Variants in MSANTD2 observed in about 807,000 individuals in gnomAD.
The protein encoded by MSANTD2 is Myb/SANT DNA binding domain containing 2.
In MSANTD2, 19 loss-of-function variants were observed where a neutral mutation model predicts 52.6. The ratio of observed to expected loss-of-function variants is 0.36; its 90% CI spans 0.25 to 0.53. MSANTD2 has a LOEUF of 0.53. Ranked by LOEUF, MSANTD2 falls within the 20% of genes least tolerant of loss-of-function variation. The probability of loss-of-function intolerance (pLI) is 0.91; values close to 1 mark genes in which losing one functional copy is unlikely to be tolerated. For synonymous variants in MSANTD2, 291 were observed against 289.7 expected, an observed-to-expected ratio of 1.00 and a Z score of -0.04; for missense variants, 558 against 716.3, an observed-to-expected ratio of 0.78 and a Z score of 2.52.
At chr11:124,768,762 A>G (rs1944396041) in intron 3 of MSANTD2, among the ~76,000 whole-genome samples, 1 of 152,202 alleles carries the variant, frequency 6.6e-6, no homozygotes, top group South Asian at 2.1e-4. Context: ...TAATAAATTG[A>G]GACTGTTCTA....
At chr11:124,768,316 A>T (rs760397989) in intron 3 of MSANTD2, among the ~76,000 whole-genome samples, 1 of 152,228 alleles carries the variant, frequency 6.6e-6, no homozygotes, top group Non-Finnish European at 1.5e-5. Flanking sequence ...TTAATGATAA[A>T]CTGCTTTCCA....
intron 1 of MSANTD2, among the ~76,000 whole-genome samples, chr11:124,793,515 G>A (rs1021604549): frequency 2.0e-5 from 3 of 152,110 alleles, no homozygotes; most frequent in Non-Finnish European, 4.4e-5. Flanking sequence ...AGCTGTTCTG[G>A]CCAACAAAAC....
chr11:124,787,705 T>C (rs1269579829), intron 1 of MSANTD2, among the ~76,000 whole-genome samples: 2 of 152,220 alleles, frequency 1.3e-5, no homozygotes, highest in Non-Finnish European at 2.9e-5. Context: ...GGAGTACCTA[T>C]GAAAATAAAC....
At chr11:124,799,370 A>G (rs544106699) in intron 1 of MSANTD2, among the ~76,000 whole-genome samples, 8 of 152,340 alleles carry the variant, frequency 5.3e-5, no homozygotes, top group African/African-American at 1.4e-4. Context: ...GACTGACACA[A>G]AGGCCAGTCG....
At chr11:124,788,040 C>T (rs1187199550) in intron 1 of MSANTD2, among the ~76,000 whole-genome samples, 1 of 150,442 alleles carries the variant, frequency 6.6e-6, no homozygotes, top group Non-Finnish European at 1.5e-5. Context: ...GGTGATCGTG[C>T]CACCGCACTC....
chr11:124,781,456 A>G (rs1043950107), intron 1 of MSANTD2, among the ~76,000 whole-genome samples: 2 of 152,182 alleles, frequency 1.3e-5, no homozygotes. Context: ...AAACAAGTAT[A>G]GTAAAGTAAG....
chr11:124,798,408 C>G (rs961538724), intron 1 of MSANTD2, among the ~76,000 whole-genome samples: 4 of 151,924 alleles, frequency 2.6e-5, no homozygotes, highest in African/African-American at 9.7e-5. Flanking sequence ...ACCTTAATGA[C>G]GTTGAATAGA....
intron 1 of MSANTD2, among the ~76,000 whole-genome samples, chr11:124,782,132 T>C (rs555700021): frequency 6.6e-6 from 1 of 152,304 alleles, no homozygotes; most frequent in Admixed American, 6.5e-5. Flanking sequence ...AAGGTTCTAA[T>C]TACAAACTAG....
At chr11:124,777,553 A>G (rs1944791803) in intron 1 of MSANTD2, among the ~76,000 whole-genome samples, 1 of 152,252 alleles carries the variant, frequency 6.6e-6, no homozygotes, top group African/African-American at 2.4e-5. Context: ...GAATAAGGAA[A>G]CTAGCAGTAT....
intron 1 of MSANTD2, among the ~76,000 whole-genome samples, chr11:124,796,046 A>G (rs1246018150): frequency 6.6e-6 from 1 of 152,198 alleles, no homozygotes; most frequent in Non-Finnish European, 1.5e-5. Flanking sequence ...GCAATAAACA[A>G]ATTTTCATAT....
At chr11:124,791,565 C>T in intron 1 of MSANTD2, 1 of 1,281,960 alleles carries the variant, frequency 7.8e-7, no homozygotes, top group Non-Finnish European at 1.1e-6. Flanking sequence ...ACCAATGTGA[C>T]CCTGAGCTGC....
intron 1 of MSANTD2, among the ~76,000 whole-genome samples, chr11:124,787,264 G>C (rs184064045): frequency 7.2e-4 from 109 of 152,308 alleles, no homozygotes; most frequent in Admixed American, 2.9e-3. Context: ...TAACATGTAG[G>C]AGTAACATAC....
chr11:124,772,239 C>T (rs538195712), intron 3 of MSANTD2, among the ~76,000 whole-genome samples: 10 of 152,232 alleles, frequency 6.6e-5, no homozygotes, highest in South Asian at 2.1e-4. Flanking sequence ...CCCTCTGGTC[C>T]GCCTATCATT....
chr11:124,786,465 T>C (rs1027102728), intron 1 of MSANTD2, among the ~76,000 whole-genome samples: 2 of 152,228 alleles, frequency 1.3e-5, no homozygotes, highest in African/African-American at 4.8e-5. Context: ...ATAGCCTCCT[T>C]TGATAAGCCA....
In MSANTD2 at chr11:124,800,057, C is replaced by G; in HGVS notation, c.324G>C (p.Glu108Asp). Residue 108 changes from glutamate (E) to aspartate (D), a missense_variant, in exon 1 of 4, where the codon GAG becomes GAC. Physicochemically the swap from Glu to Asp is conservative, Grantham distance 45 (BLOSUM62 2). Transcript: ENST00000374979. The surrounding 1 kb of genome is among the most constrained non-coding windows in gnomAD (Gnocchi z 4.3). Reference protein sequence around the residue: ...ACRGMSWTPAETNALIAVWGN... With the variant: ...ACRGMSWTPADTNALIAVWGN... Reference sequence around the variant, plus strand: ...CCCACACTGCGATGAGCGCGTTCGTCTCGGCTGGCGTCCACGACATGCCCC... The same window carrying G: ...CCCACACTGCGATGAGCGCGTTCGTGTCGGCTGGCGTCCACGACATGCCCC... 1 of 1,554,082 alleles carries G rather than the reference C, an allele frequency of 6.4e-7. No individual in the cohort carries two copies.
intron 1 of MSANTD2, chr11:124,789,412 T>C (rs1945262093): frequency 6.6e-6 from 1 of 151,630 alleles, no homozygotes; most frequent in Non-Finnish European, 1.5e-5. Flanking sequence ...AGAAAGCATA[T>C]CTAAGTAAAC....
intron 1 of MSANTD2, chr11:124,789,593 A>AC (rs1565465390): frequency 6.6e-6 from 1 of 152,220 alleles, no homozygotes; most frequent in Non-Finnish European, 1.5e-5. Context: ...AACACATCCT[A>AC]CTAAGTGAAA....
intron 1 of MSANTD2, among the ~76,000 whole-genome samples, chr11:124,788,994 G>A (rs1404705760): frequency 1.3e-5 from 2 of 152,036 alleles, no homozygotes; most frequent in Non-Finnish European, 2.9e-5. Flanking sequence ...TTTGAAGGCA[G>A]GGTTTTGTCA....
At position 124,766,706 on chromosome 11, in the gene MSANTD2, A is replaced by G. The variant is rs1944311454; in HGVS notation, c.*470T>C. ...GAAAAAGTCTTTTTAACTGTGAATCAAGATTTAACTTGCCATTATCTATTG... is the reference window on the plus strand; with the variant it reads ...GAAAAAGTCTTTTTAACTGTGAATCGAGATTTAACTTGCCATTATCTATTG... On this transcript the variant is annotated 3_prime_UTR_variant, in exon 4 of 4. Coordinates refer to ENST00000374979, the MANE Select transcript of MSANTD2 (RefSeq NM_001308027.2). The G allele has an allele frequency of 1.3e-5, 2 of 153,100 alleles. No homozygotes were observed. Among genetic ancestry groups the G allele is most frequent in the Admixed American group, 6.5e-5 (1 of 15,302 alleles). 9.5% of individuals were successfully genotyped at this position (153,100 alleles called of 1,614,324 possible).
Sources: allele counts gnomAD v4.1 joint callset (sites outside exome capture counted in the v4.1 genomes callset), GRCh38; gene constraint gnomAD v4.1.1; non-coding constraint Gnocchi (gnomAD v3.1); transcripts MANE v1.5; gene names NCBI Gene and HGNC (gene_info 2026-07-23, HGNC 2026-07-21).